The following DPP6 variants were observed in gnomAD, a reference collection of about 807,000 sequenced individuals.
The protein encoded by DPP6 is dipeptidyl peptidase like 6, also known as A-type potassium channel modulatory protein DPP6.
DPP6 carries 69 observed loss-of-function variants against 122.6 expected under a neutral mutation model. The ratio of observed to expected loss-of-function variants is 0.56; its 90% CI spans 0.46 to 0.69. DPP6 has a LOEUF of 0.69. DPP6 is among the 30% of genes least tolerant of loss of function. DPP6 has a pLI of 0.00. For missense variants in DPP6, 928 were observed against 1,116.9 expected (o/e 0.83, Z 2.41); for synonymous variants, 418 against 433.1 (o/e 0.97, Z 0.43).
At chr7:154,273,928 G>A (rs183709687) in intron 1 of DPP6, among the ~76,000 whole-genome samples, 7 of 152,256 alleles carry the variant, frequency 4.6e-5, no homozygotes, top group Admixed American at 3.3e-4. Flanking sequence ...GCAATCATTC[G>A]TACAGATAAT....
chr7:154,825,795 G>C (rs139784685), intron 16 of DPP6, among the ~76,000 whole-genome samples: 1 of 152,324 alleles, frequency 6.6e-6, no homozygotes, highest in African/African-American at 2.4e-5. Flanking sequence ...CACAGCACGT[G>C]GAGAAGGAAC....
chr7:154,199,257 G>A (rs2150781750), intron 1 of DPP6, among the ~76,000 whole-genome samples: 1 of 152,266 alleles, frequency 6.6e-6, no homozygotes, highest in East Asian at 1.9e-4. Flanking sequence ...ATAGGTGTGG[G>A]TTATCCTAAG....
At chr7:154,679,830 T>A (rs1839176039) in intron 7 of DPP6, among the ~76,000 whole-genome samples, 1 of 152,196 alleles carries the variant, frequency 6.6e-6, no homozygotes, top group Admixed American at 6.5e-5. Context: ...AATGGCCTTC[T>A]GTACCCTCAG....
At chr7:154,857,798 A>G (rs1019693435) in intron 17 of DPP6, among the ~76,000 whole-genome samples, 6 of 152,232 alleles carry the variant, frequency 3.9e-5, no homozygotes, top group Non-Finnish European at 8.8e-5. Flanking sequence ...CATATCAGGC[A>G]GCCGACAAAG....
At chr7:153,995,797 C>T (rs1797403633) in intron 1 of DPP6, among the ~76,000 whole-genome samples, 1 of 152,106 alleles carries the variant, frequency 6.6e-6, no homozygotes, top group South Asian at 2.1e-4. Context: ...GGAGATACGG[C>T]ATTCACTCTT....
At chr7:153,796,509 T>C in the DPP6 span, among the ~76,000 whole-genome samples, 1 of 151,728 alleles carries the variant, frequency 6.6e-6, no homozygotes, top group Non-Finnish European at 1.5e-5. Context: ...CTCCAGCTCC[T>C]GGAAGTGAAC....
At chr7:153,988,112 C>T (rs994065104) in intron 1 of DPP6, among the ~76,000 whole-genome samples, 2 of 152,210 alleles carry the variant, frequency 1.3e-5, no homozygotes, top group Non-Finnish European at 2.9e-5. Flanking sequence ...GGGATTGCCT[C>T]AGTGAACTTA....
Position 154,512,311 on chromosome 7 carries a change from G to C in DPP6, c.458-28221G>C, listed in dbSNP as rs779500816. Among the ~76,000 whole-genome samples the C allele has an allele frequency of 1.3e-5, 2 of 152,264 alleles. 1 individual carries two copies. The highest frequency in any genetic ancestry group is 1.3e-4 in the Admixed American group (2 of 15,292). On this transcript the variant is annotated intron_variant, in intron 3 of 25. Transcript: ENST00000377770. ...TTTTCTCTATTCCTGGTGAACCAAA[G>C]TGCCCCCATGTGCTTCTACGTGTAA...
At chr7:154,576,894 T>C (rs1211203762) in intron 5 of DPP6, among the ~76,000 whole-genome samples, 5 of 151,440 alleles carry the variant, frequency 3.3e-5, no homozygotes, top group African/African-American at 1.2e-4. Flanking sequence ...CTGGGAAGAG[T>C]GAAGCCAAGA....
chr7:154,347,476 A>G (rs891403394), intron 1 of DPP6, among the ~76,000 whole-genome samples: 2 of 152,236 alleles, frequency 1.3e-5, no homozygotes, highest in Non-Finnish European at 2.9e-5. Context: ...CCAAAGCATG[A>G]TATAAAAATG....
chr7:154,631,106 G>A (rs1488413897), intron 5 of DPP6, among the ~76,000 whole-genome samples: 3 of 152,212 alleles, frequency 2.0e-5, no homozygotes, highest in African/African-American at 7.2e-5. Flanking sequence ...GATACATGAA[G>A]CATAAAGACG....
At chr7:153,937,384 C>A (rs1266839379) in intron 1 of DPP6, among the ~76,000 whole-genome samples, 1 of 150,458 alleles carries the variant, frequency 6.6e-6, no homozygotes, top group Non-Finnish European at 1.5e-5. Context: ...GAAGAAAGAA[C>A]ACCTCCTTTC....
chr7:154,121,899 A>T (rs1807501034), intron 1 of DPP6, among the ~76,000 whole-genome samples: 1 of 152,232 alleles, frequency 6.6e-6, no homozygotes, highest in Admixed American at 6.5e-5. Context: ...TTCCCAGTTC[A>T]ACTATAATAT....
At chr7:153,830,109 A>G in the DPP6 span, among the ~76,000 whole-genome samples, 3 of 152,244 alleles carry the variant, frequency 2.0e-5, no homozygotes, top group Admixed American at 6.5e-5. Flanking sequence ...ACAATAATGT[A>G]CTTGTCTCCT....
intron 4 of DPP6, among the ~76,000 whole-genome samples, chr7:154,556,087 T>C (rs1830018270): frequency 6.6e-6 from 1 of 152,172 alleles, no homozygotes; most frequent in South Asian, 2.1e-4. Flanking sequence ...TGTATACTCT[T>C]TTACCTGCAG....
intron 1 of DPP6, among the ~76,000 whole-genome samples, chr7:154,218,636 C>T (rs1800136341): frequency 6.6e-6 from 1 of 152,280 alleles, no homozygotes; most frequent in East Asian, 1.9e-4. Context: ...TGCAGCTTTG[C>T]ACTAAGACAT....
chr7:154,295,041 G>A (rs1805449238), intron 1 of DPP6, among the ~76,000 whole-genome samples: 2 of 152,264 alleles, frequency 1.3e-5, no homozygotes, highest in Admixed American at 6.5e-5. Context: ...ACCTGCCTGT[G>A]CCGGCGCTCC....
chr7:153,818,763 T>C, the DPP6 span, among the ~76,000 whole-genome samples: 2 of 151,890 alleles, frequency 1.3e-5, no homozygotes, highest in African/African-American at 4.9e-5. Flanking sequence ...GACTTTTTCT[T>C]TTTCCCGAGA....
chr7:153,899,826 A>G (rs1032452325), intron 1 of DPP6, among the ~76,000 whole-genome samples: 2 of 152,232 alleles, frequency 1.3e-5, no homozygotes, highest in Non-Finnish European at 2.9e-5. Context: ...TCACATGCGT[A>G]TTAACGCTTA....
Sources: allele counts gnomAD v4.1 joint callset (sites outside exome capture counted in the v4.1 genomes callset), GRCh38; gene constraint gnomAD v4.1.1; transcripts MANE v1.5; gene names NCBI Gene and HGNC (gene_info 2026-07-23, HGNC 2026-07-21).